Variants in MAP2 observed in about 807,000 individuals in gnomAD.
MAP2 encodes microtubule associated protein 2.
In MAP2, 14 loss-of-function variants were observed where a neutral mutation model predicts 137.6. That is an observed-to-expected ratio of 0.10 (90% CI 0.07 to 0.16). MAP2 has a LOEUF of 0.16. Ranked by LOEUF, MAP2 falls within the 10% of genes least tolerant of loss-of-function variation. The pLI is 1.00. For missense variants in MAP2, 2,088 were observed against 2,191.5 expected, an observed-to-expected ratio of 0.95 and a Z score of 0.94; for synonymous variants, 786 against 782.3, an observed-to-expected ratio of 1.00 and a Z score of -0.08.
chr2:209,516,507 G>C (rs1234175508), intron 2 of MAP2, among the ~76,000 whole-genome samples: 1 of 151,832 alleles, frequency 6.6e-6, no homozygotes, highest in African/African-American at 2.4e-5. Context: ...GACCAATAGA[G>C]GAGAATCAGT....
In MAP2 at chr2:209,695,097, A is replaced by T. The variant is rs13425372; in HGVS notation, c.2927A>T (p.His976Leu). 2.4e-3 allele frequency: 3,842 copies of T among 1,614,184 alleles called. 86 individuals are homozygous for T. In the African/African-American group the frequency reaches 0.046, roughly 19 times the overall value. Reference protein sequence around the residue: ...KSEEHADSKEHAKKTEEAGDE... With the variant: ...KSEEHADSKELAKKTEEAGDE... Reference sequence around the variant, plus strand: ...GAAGAACATGCTGATTCAAAAGAACATGCCAAGAAAACTGAAGAGGCTGGT... The same window carrying T: ...GAAGAACATGCTGATTCAAAAGAACTTGCCAAGAAAACTGAAGAGGCTGGT... The change falls in exon 8 of 16, where the codon CAT becomes CTT. Residue 976 changes from histidine to leucine, a missense_variant. Around this residue, in one of 6 missense-constraint regions of MAP2, gnomAD observed 500 missense variants for 482.9 expected, o/e 1.04. Coordinates refer to ENST00000682079, the MANE Select transcript of MAP2 (RefSeq NM_001375505.1).
chr2:209,628,009 C>G (rs1242186861), intron 4 of MAP2, among the ~76,000 whole-genome samples: 1 of 152,122 alleles, frequency 6.6e-6, no homozygotes, highest in Non-Finnish European at 1.5e-5. Context: ...TTGAATACTT[C>G]TATCCTAACA....
intron 2 of MAP2, among the ~76,000 whole-genome samples, chr2:209,525,289 A>T (rs1284935260): frequency 6.6e-6 from 1 of 152,184 alleles, no homozygotes; most frequent in Admixed American, 6.5e-5. Flanking sequence ...TAATATAGAG[A>T]TTAATTTTTC....
At chr2:209,638,686 A>G (rs2093762655) in intron 4 of MAP2, among the ~76,000 whole-genome samples, 1 of 152,180 alleles carries the variant, frequency 6.6e-6, no homozygotes, top group African/African-American at 2.4e-5. Flanking sequence ...TTAAATATGT[A>G]TGACTCAGAA....
At chr2:209,439,653 A>G (rs1232105311) in intron 1 of MAP2, among the ~76,000 whole-genome samples, 1 of 151,534 alleles carries the variant, frequency 6.6e-6, no homozygotes, top group Non-Finnish European at 1.5e-5. Flanking sequence ...TTGTAGCTCC[A>G]TAGAAAAAGG....
At position 209,730,197 on chromosome 2, in the gene MAP2, T is replaced by G. The variant is rs148804064; in HGVS notation, c.5284T>G (p.Leu1762Val). 1.2e-5 allele frequency: 19 copies of G among 1,613,838 alleles called. No homozygotes were observed. The highest frequency in any genetic ancestry group is 1.5e-5 in the Non-Finnish European group (18 of 1,179,956). Residue 1762 changes from leucine (L) to valine (V), a missense_variant, in exon 16 of 16, where the codon TTG becomes GTG. Leu to Val is a conservative substitution (Grantham distance 32). Coordinates refer to ENST00000682079, the MANE Select transcript of MAP2 (RefSeq NM_001375505.1). Reference protein sequence around the residue: ...GGNVKIDSQKLNFREHAKARV... With the variant: ...GGNVKIDSQKVNFREHAKARV... ...TCTTAAACAGATTGACAGCCAAAAG[T>G]TGAACTTCAGAGAGCATGCTAAAGC...
intron 1 of MAP2, among the ~76,000 whole-genome samples, chr2:209,478,466 C>T (rs1203805011): frequency 6.6e-6 from 1 of 152,078 alleles, no homozygotes. Context: ...TTACTACTGC[C>T]AAGTTGAAAA....
intron 4 of MAP2, among the ~76,000 whole-genome samples, chr2:209,628,815 A>C (rs1365354226): frequency 6.6e-6 from 1 of 152,136 alleles, no homozygotes; most frequent in East Asian, 1.9e-4. Flanking sequence ...AGCCCCTAGA[A>C]CTACCACCTA....
chr2:209,699,648 G>T (rs914465038), intron 10 of MAP2, among the ~76,000 whole-genome samples: 3 of 152,068 alleles, frequency 2.0e-5, no homozygotes, highest in Non-Finnish European at 4.4e-5. Context: ...TGTATTTACT[G>T]AACTTAAATT....
chr2:209,575,081 A>G (rs2153382315), intron 2 of MAP2, among the ~76,000 whole-genome samples: 1 of 152,360 alleles, frequency 6.6e-6, no homozygotes, highest in Non-Finnish European at 1.5e-5. Context: ...GGCATGATTT[A>G]TCAAACAAAC....
chr2:209,624,469 A>C (rs1320945719), intron 3 of MAP2, among the ~76,000 whole-genome samples: 2 of 152,194 alleles, frequency 1.3e-5, no homozygotes, highest in East Asian at 3.8e-4. Flanking sequence ...ATACCACTTC[A>C]GTAAGAAGTA....
At chr2:209,528,125 G>A (rs2064377185) in intron 2 of MAP2, among the ~76,000 whole-genome samples, 1 of 131,630 alleles carries the variant, frequency 7.6e-6, no homozygotes, top group African/African-American at 2.8e-5. Flanking sequence ...CAGAAAATAT[G>A]CAAATTCAAG....
chr2:209,510,029 A>G (rs1036616726), intron 2 of MAP2, among the ~76,000 whole-genome samples: 1 of 91,396 alleles, frequency 1.1e-5, no homozygotes, highest in Non-Finnish European at 2.7e-5. Flanking sequence ...TAAAGTTATT[A>G]CAAAAAAAAA....
In MAP2 at chr2:209,694,058, C is replaced by G. The variant is rs1386101055; in HGVS notation, c.1888C>G (p.Pro630Ala). ...AACAGGAAAAGAATCCCAGCCCAGT[C>G]CTCCAGCACAAGAAGCAGGGTACAG... Reference protein sequence around the residue: ...FQTGKESQPSPPAQEAGYSTL... With the variant: ...FQTGKESQPSAPAQEAGYSTL... Residue 630 changes from proline (P) to alanine (A), a missense_variant, in exon 8 of 16, where the codon CCT (proline) becomes GCT (alanine). By Grantham distance (27) the Pro-to-Ala change is conservative. This residue lies in a region of MAP2 where 859 missense variants were observed against 794.5 expected (regional missense o/e 1.08). Transcript: ENST00000682079. The G allele has an allele frequency of 1.2e-6, 2 of 1,613,244 alleles. No homozygotes were observed. The highest frequency in any genetic ancestry group is 1.7e-6 in the Non-Finnish European group (2 of 1,179,720).
In MAP2 at chr2:209,435,992, A is replaced by ATC. The variant is rs1696005229; in HGVS notation, c.-222+11717_-222+11718insCT. On this transcript the variant is annotated intron_variant, in intron 1 of 15. Coordinates refer to ENST00000682079, the MANE Select transcript of MAP2 (RefSeq NM_001375505.1). ...ATATATAATATATACAGTATATATT[A>ATC]TATACTATATATACAGTATATATTA... Among the ~76,000 whole-genome samples the ATC allele has an allele frequency of 2.4e-5, 3 of 124,356 alleles. 1 individual carries two copies. Among genetic ancestry groups the ATC allele is most frequent in the Non-Finnish European group, 3.5e-5 (2 of 57,606 alleles). The allele number at this position is 124,356 out of a possible 152,430, so 81.6% of individuals were successfully genotyped here.
chr2:209,639,822 T>G (rs1302622936), intron 4 of MAP2, among the ~76,000 whole-genome samples: 3 of 151,996 alleles, frequency 2.0e-5, no homozygotes, highest in Non-Finnish European at 4.4e-5. Flanking sequence ...TGGAGCCTAC[T>G]CTGTGCCACA....
At chr2:209,673,360 C>T (rs570596429) in intron 5 of MAP2, among the ~76,000 whole-genome samples, 20 of 151,778 alleles carry the variant, frequency 1.3e-4, no homozygotes, top group African/African-American at 4.8e-4. Flanking sequence ...ATCATATTGA[C>T]ACTACCGATA....
intron 1 of MAP2, among the ~76,000 whole-genome samples, chr2:209,480,703 C>G (rs1178262424): frequency 6.6e-6 from 1 of 152,094 alleles, no homozygotes; most frequent in African/African-American, 2.4e-5. Flanking sequence ...TAATCAGGCT[C>G]TTTCACCTGT....
intron 3 of MAP2, among the ~76,000 whole-genome samples, chr2:209,581,858 G>A (rs1440180972): frequency 6.6e-6 from 1 of 152,142 alleles, no homozygotes. Flanking sequence ...ACAGGCCTCT[G>A]GCATCTAAAT....
Sources: gnomAD v4.1 joint callset for allele counts (sites outside exome capture counted in the v4.1 genomes callset) on GRCh38, gnomAD v4.1.1 for gene constraint, gnomAD v4.1.1 regional missense constraint, MANE v1.5 for transcripts, NCBI Gene and HGNC (gene_info 2026-07-23, HGNC 2026-07-21) for gene names.